Variants in LINGO2 observed in about 807,000 individuals in gnomAD.
LINGO2 encodes leucine rich repeat and Ig domain containing 2.
In LINGO2, 14 loss-of-function variants were observed where a neutral mutation model predicts 30.6. The ratio of observed to expected loss-of-function variants is 0.46; its 90% CI spans 0.30 to 0.72. LINGO2 has a LOEUF of 0.72. Ranked by LOEUF, LINGO2 falls within the 30% of genes least tolerant of loss-of-function variation. The probability of loss-of-function intolerance (pLI) is 0.07; values close to 1 mark genes in which losing one functional copy is unlikely to be tolerated. For synonymous variants in LINGO2, 317 were observed against 288.5 expected (o/e 1.10, Z -1.00); for missense variants, 729 against 751.7 (o/e 0.97, Z 0.35).
At chr9:28,861,861 G>C in the LINGO2 span, among the ~76,000 whole-genome samples, 1 of 151,986 alleles carries the variant, frequency 6.6e-6, no homozygotes. Context: ...TAAATATAAA[G>C]AAGTTGGGAT....
intron 3 of LINGO2, among the ~76,000 whole-genome samples, chr9:28,305,645 A>G (rs1345484966): frequency 6.6e-6 from 1 of 152,018 alleles, no homozygotes; most frequent in Non-Finnish European, 1.5e-5. Flanking sequence ...CATGGGGATG[A>G]CTCTTTCACA....
the LINGO2 span, among the ~76,000 whole-genome samples, chr9:28,869,138 C>T: frequency 6.6e-6 from 1 of 152,050 alleles, no homozygotes; most frequent in South Asian, 2.1e-4. Flanking sequence ...ATCTAATTAT[C>T]CATTCATCAA....
the LINGO2 span, among the ~76,000 whole-genome samples, chr9:29,042,838 T>TAACATATGTTTTTATA: frequency 6.6e-6 from 1 of 151,644 alleles, no homozygotes; most frequent in Non-Finnish European, 1.5e-5. Context: ...AAAAGTTACA[T>TAACATATGTTTTTATA]AACATATGTT....
At chr9:28,367,431 C>T (rs575218434) in intron 3 of LINGO2, among the ~76,000 whole-genome samples, 1 of 152,120 alleles carries the variant, frequency 6.6e-6, no homozygotes, top group South Asian at 2.1e-4. Context: ...TCTAGAGGGG[C>T]TGCATAAGCT....
chr9:29,132,673 CTTTG>C, the LINGO2 span, among the ~76,000 whole-genome samples: 4 of 152,246 alleles, frequency 2.6e-5, no homozygotes, highest in Admixed American at 2.6e-4. Context: ...TCTTTCGTTG[CTTTG>C]TTTGTGCATT....
At chr9:29,132,738 A>G in the LINGO2 span, among the ~76,000 whole-genome samples, 15 of 152,182 alleles carry the variant, frequency 9.9e-5, no homozygotes, top group African/African-American at 3.1e-4. Context: ...CTTGTAGTCA[A>G]GACAATCCAC....
At chr9:28,044,309 A>G (rs1824319354) in intron 4 of LINGO2, among the ~76,000 whole-genome samples, 1 of 152,218 alleles carries the variant, frequency 6.6e-6, no homozygotes, top group Non-Finnish European at 1.5e-5. Flanking sequence ...GGTATTTTAA[A>G]TGGTATACAT....
chr9:28,215,772 C>T (rs953057264), intron 4 of LINGO2, among the ~76,000 whole-genome samples: 8 of 151,868 alleles, frequency 5.3e-5, no homozygotes, highest in Middle Eastern at 3.4e-3. Flanking sequence ...TTCATAGTCA[C>T]GGTATTGATT....
the LINGO2 span, among the ~76,000 whole-genome samples, chr9:28,814,447 T>TA: frequency 6.6e-6 from 1 of 151,930 alleles, no homozygotes; most frequent in Non-Finnish European, 1.5e-5. Context: ...AACAAACGAA[T>TA]AAAAAAAATA....
At chr9:28,778,492 T>C in the LINGO2 span, among the ~76,000 whole-genome samples, 7,286 of 152,270 alleles carry the variant, frequency 0.048, 297 homozygotes, top group Admixed American at 0.12. Context: ...AGCTATTTTC[T>C]AAATTTAATT....
chr9:28,085,996 T>A lies in LINGO2; in HGVS notation c.-86-73591A>T, dbSNP rs372982992. Among the ~76,000 whole-genome samples the A allele has an allele frequency of 6.5e-4, 99 of 152,158 alleles. 1 individual carries two copies. The highest frequency in any genetic ancestry group is 2.3e-3 in the African/African-American group (95 of 41,538). On this transcript the variant is annotated intron_variant, in intron 4 of 5. Transcript: ENST00000379992. ...ACAATGTGCATGGGTAGTATGTTTA[T>A]ATTAAAATAAGAGGTGTGAACAGCT...
chr9:28,031,787 ACAC>A (rs1823687237), intron 4 of LINGO2, among the ~76,000 whole-genome samples: 1 of 152,250 alleles, frequency 6.6e-6, no homozygotes, highest in Non-Finnish European at 1.5e-5. Context: ...TGTCCAGAAC[ACAC>A]ACTTGTCTAT....
At chr9:28,332,858 C>T (rs539752745) in intron 3 of LINGO2, among the ~76,000 whole-genome samples, 7 of 152,068 alleles carry the variant, frequency 4.6e-5, no homozygotes, top group African/African-American at 7.2e-5. Flanking sequence ...CACATATCAG[C>T]GTGGGGATGG....
intron 4 of LINGO2, among the ~76,000 whole-genome samples, chr9:28,229,328 T>C (rs899822249): frequency 1.3e-5 from 2 of 151,698 alleles, no homozygotes; most frequent in African/African-American, 4.8e-5. Context: ...GCTGTGACAA[T>C]AATATATGTT....
At chr9:28,166,626 G>A (rs904156689) in intron 4 of LINGO2, among the ~76,000 whole-genome samples, 1 of 152,052 alleles carries the variant, frequency 6.6e-6, no homozygotes, top group African/African-American at 2.4e-5. Context: ...AAGAAGAGAA[G>A]AAGTCTTCTC....
At chr9:28,522,584 T>C (rs1820866486) in intron 1 of LINGO2, among the ~76,000 whole-genome samples, 1 of 152,104 alleles carries the variant, frequency 6.6e-6, no homozygotes, top group Non-Finnish European at 1.5e-5. Context: ...ATAGTTGGTA[T>C]GGAAAAATAC....
chr9:28,639,164 A>T (rs1288294330), intron 1 of LINGO2, among the ~76,000 whole-genome samples: 1 of 152,054 alleles, frequency 6.6e-6, no homozygotes, highest in African/African-American at 2.4e-5. Context: ...TTCTAGTTTC[A>T]TTGCACTGTG....
At chr9:28,373,048 A>G (rs1231496933) in intron 2 of LINGO2, among the ~76,000 whole-genome samples, 180 bp from the exon 5 acceptor site, 2 of 151,998 alleles carry the variant, frequency 1.3e-5, no homozygotes, top group African/African-American at 4.8e-5. Flanking sequence ...TTTCTCCTAT[A>G]TTGTTTTTAA....
chr9:28,562,124 G>C (rs1468597112), intron 1 of LINGO2, among the ~76,000 whole-genome samples: 1 of 151,892 alleles, frequency 6.6e-6, no homozygotes, highest in Non-Finnish European at 1.5e-5. Context: ...ACATAATATG[G>C]TGTGTTACAG....
Sources: allele counts gnomAD v4.1 joint callset (sites outside exome capture counted in the v4.1 genomes callset), GRCh38; gene constraint gnomAD v4.1.1; transcripts MANE v1.5; gene names NCBI Gene and HGNC (gene_info 2026-07-23, HGNC 2026-07-21).